The following SLC16A3 variants were observed in gnomAD, a reference collection of about 807,000 sequenced individuals.
SLC16A3 encodes solute carrier family 16 member 3, also known as monocarboxylate transporter 4.
A neutral mutation model predicts 25.0 loss-of-function variants in SLC16A3; 22 were observed. That is an observed-to-expected ratio of 0.88 (90% CI 0.63 to 1.26). SLC16A3 has a LOEUF of 1.26. Among genes scored for constraint, SLC16A3 ranks in the 50% most tolerant of loss-of-function variants. The pLI, the probability that SLC16A3 is intolerant of heterozygous loss-of-function variation, is 0.00. For synonymous variants in SLC16A3, 390 were observed against 309.2 expected (o/e 1.26, Z -2.74); for missense variants, 731 against 666.6 (o/e 1.10, Z -1.06).
chr17:82,224,707 TGTGCAGACACAACCCTACACCC>T (rs1241949271), upstream of SLC16A3, among the ~76,000 whole-genome samples: 1 of 149,932 alleles, frequency 6.7e-6, no homozygotes. Flanking sequence ...CACAGACACC[TGTGCAGACACAACCCTACACCC>T]GTGCAGACAC....
chr17:82,237,400 G>T lies in SLC16A3; in HGVS notation c.630G>T (p.Pro210=), dbSNP rs776404128. ...LVVTAQPGSG[P]PRPSRRLLDL... ...TCACGGCCCAGCCGGGCTCGGGGCC[G>T]CCGCGACCCTCCCGGCGCCTGCTAG... is the stretch of plus-strand genomic sequence containing the variant. The change falls in exon 4 of 5, where the codon CCG becomes CCT. Residue 210 remains proline (P), a synonymous_variant. Coordinates refer to ENST00000582743, the MANE Select transcript of SLC16A3 (RefSeq NM_004207.4). 1.3e-6 allele frequency: 2 copies of T among 1,556,790 alleles called. No homozygotes were observed. The highest frequency in any genetic ancestry group is 1.7e-6 in the Non-Finnish European group (2 of 1,150,762).
In SLC16A3 at chr17:82,237,464, G is replaced by A. The variant is rs769107557; in HGVS notation, c.694G>A (p.Ala232Thr). Residue 232 changes from alanine (A) to threonine (T), a missense_variant, in exon 4 of 5, where the codon GCC (alanine) becomes ACC (threonine). By Grantham distance (58) the Ala-to-Thr change is moderately conservative. Transcript: ENST00000582743. ...VFRDRGFVLY[A>T]VAASVMVLGL... is the part of the protein sequence containing the mutation. ...CCGGGACCGCGGCTTTGTGCTTTAC[G>A]CCGTGGCCGCCTCGGTCATGGTGCT... The A allele has an allele frequency of 8.1e-6, 13 of 1,606,752 alleles. No homozygotes were observed. The highest frequency in any genetic ancestry group is 8.0e-5 in the African/African-American group (6 of 74,870).
In SLC16A3 at chr17:82,236,604, CT is replaced by C. The variant is rs2050608487; in HGVS notation, c.224-124del. ...CGGGGAGCCTGCCCACGGGGTGCCCCTGGTGCCCCGCGGGGGGAGGGGTGGT... is the reference window on the plus strand; with the variant it reads ...CGGGGAGCCTGCCCACGGGGTGCCCCGGTGCCCCGCGGGGGGAGGGGTGGT... On this transcript the variant is annotated intron_variant, in intron 2 of 4. Coordinates refer to ENST00000582743, the MANE Select transcript of SLC16A3 (RefSeq NM_004207.4). The C allele has an allele frequency of 7.3e-5, 103 of 1,410,344 alleles. No individual in the cohort carries two copies. In the South Asian group the frequency reaches 1.2e-3, roughly 16 times the overall value. The allele number at this position is 1,410,344 out of a possible 1,614,324, so 87.4% of individuals were successfully genotyped here. A position where few individuals can be genotyped will look rare whatever the true frequency, so the allele number is the denominator to read the frequency against.
chr17:82,236,585 G>C (rs1044618703), intron 2 of SLC16A3, 144 bp from the exon 3 acceptor site: 137 of 1,224,400 alleles, frequency 1.1e-4, no homozygotes, highest in Middle Eastern at 2.9e-4. Context: ...CGCTCGGGGA[G>C]CCTGCCCACG....
chr17:82,235,419 T>G (rs1326508801), intron 1 of SLC16A3: 4 of 157,984 alleles, frequency 2.5e-5, no homozygotes, highest in African/African-American at 9.6e-5. Context: ...ACTGCCCGCC[T>G]CCTCTTGGGC....
At chr17:82,225,696 C>T (rs2050417447), upstream of SLC16A3, among the ~76,000 whole-genome samples, 1 of 152,216 alleles carries the variant, frequency 6.6e-6, no homozygotes, top group African/African-American at 2.4e-5. Flanking sequence ...GCAACTGGTG[C>T]TGGGTGGTAC....
At position 82,221,929 on chromosome 17, in the gene SLC16A3, G is replaced by A. The variant is rs191953443; in HGVS notation, c.-27+3745G>A. 1.9e-4 allele frequency among the ~76,000 whole-genome samples: 29 copies of A among 152,348 alleles called. No homozygotes were observed. In the East Asian group the frequency reaches 4.6e-3, roughly 24 times the overall value. ...AAATAACAGGCGCTGGTGCGGATGTGGAGAAACTGGAACCCTTGAACACCC... is the reference window on the plus strand; with the variant it reads ...AAATAACAGGCGCTGGTGCGGATGTAGAGAAACTGGAACCCTTGAACACCC... On this transcript the variant is annotated intron_variant, in intron 1 of 4. Transcript: ENST00000580098.
In SLC16A3 at chr17:82,238,710, C is replaced by A; in HGVS notation, c.1132C>A (p.Leu378Met). Residue 378 changes from leucine (L) to methionine (M), a missense_variant, in exon 5 of 5, where the codon CTG (leucine) becomes ATG (methionine). Transcript: ENST00000582743. ...ACGGGGTCTTCCCGCAGGCAAACTC[C>A]TGGATGCGACCCACGTCTACATGTA... ...LVGPPSGGKL[L>M]DATHVYMYVF... 2 of 1,609,512 alleles carry A rather than the reference C, an allele frequency of 1.2e-6. No homozygotes were observed. The highest frequency in any genetic ancestry group is 1.7e-6 in the Non-Finnish European group (2 of 1,178,228).
Position 82,239,621 on chromosome 17 carries a change from G to A in SLC16A3, c.*645G>A. ...CGGCATAGCATTCGTAGCAGGGGCAGGCGCTGCATGGAGGGGGCTGCGGGG... is the reference window on the plus strand; with the variant it reads ...CGGCATAGCATTCGTAGCAGGGGCAAGCGCTGCATGGAGGGGGCTGCGGGG... On this transcript the variant is annotated 3_prime_UTR_variant, in exon 5 of 5. Coordinates refer to ENST00000582743, the MANE Select transcript of SLC16A3 (RefSeq NM_004207.4). The A allele has an allele frequency of 4.0e-6, 1 of 249,780 alleles. No homozygotes were observed. The highest frequency in any genetic ancestry group is 7.6e-6 in the Non-Finnish European group (1 of 131,548). The allele number at this position is 249,780 out of a possible 1,614,324, so 15.5% of individuals were successfully genotyped here.
At chr17:82,220,625 T>A (rs1260184749) in intron 1 of SLC16A3, among the ~76,000 whole-genome samples, 3 of 152,058 alleles carry the variant, frequency 2.0e-5, no homozygotes, top group Non-Finnish European at 4.4e-5. Context: ...AAATTTTTTT[T>A]AAGTAAATAA....
At position 82,236,185 on chromosome 17, in the gene SLC16A3, C is replaced by T; in HGVS notation, c.177C>T (p.Asp59=). 1 of 1,613,084 alleles carries T rather than the reference C, an allele frequency of 6.2e-7. No individual in the cohort carries two copies. The highest frequency in any genetic ancestry group is 8.5e-7 in the Non-Finnish European group (1 of 1,179,956). ...AGGAGTTTGGGATCGGCTACAGCGACACAGCCTGGATCTCCTCCATCCTGC... is the reference window on the plus strand; with the variant it reads ...AGGAGTTTGGGATCGGCTACAGCGATACAGCCTGGATCTCCTCCATCCTGC... ...LIQEFGIGYS[D]TAWISSILLA... The change falls in exon 2 of 5, where the codon GAC becomes GAT. Residue 59 remains aspartate, a synonymous_variant. Transcript: ENST00000582743.
At chr17:82,221,522 A>G (rs937097293) in intron 1 of SLC16A3, among the ~76,000 whole-genome samples, 1 of 151,930 alleles carries the variant, frequency 6.6e-6, no homozygotes, top group Non-Finnish European at 1.5e-5. Context: ...TGAGCTGAGA[A>G]CGCACCACTG....
rs565037591 is a variant in SLC16A3, at chr17:82,237,963, G to T, written c.1123+70G>T. ...GTCAGACGCCCGCTTTGCGAGGGGG[G>T]GGACGCGCACCCCTCGGCAGCCACC... On this transcript the variant is annotated intron_variant, in intron 4 of 4. Transcript: ENST00000582743. The T allele has an allele frequency of 4.5e-3, 6,835 of 1,531,494 alleles. 24 individuals carry two copies. Among genetic ancestry groups the T allele is most frequent in the Non-Finnish European group, 5.4e-3 (6,182 of 1,139,572 alleles). 94.9% of individuals were successfully genotyped at this position (1,531,494 alleles called of 1,614,324 possible). A position where few individuals can be genotyped will look rare whatever the true frequency, so the allele number is the denominator to read the frequency against.
Position 82,236,723 on chromosome 17 carries a change from C to T in SLC16A3, c.224-6C>T. 1 of 1,604,714 alleles carries T rather than the reference C, an allele frequency of 6.2e-7. No individual in the cohort carries two copies. Among genetic ancestry groups the T allele is most frequent in the Non-Finnish European group, 8.5e-7 (1 of 1,179,476 alleles). ...CCCGGCCCCTCTCAGCTGCTGCCCT[C>T]TCCAGGTCCGCTCTGCAGTGTGTGC... is the stretch of plus-strand genomic sequence containing the variant. On this transcript the variant is annotated splice_region_variant and splice_polypyrimidine_tract_variant and intron_variant, in intron 2 of 4. Transcript: ENST00000582743.
intron 1 of SLC16A3, among the ~76,000 whole-genome samples, chr17:82,233,350 G>A (rs368455016): frequency 1.3e-5 from 2 of 152,280 alleles, no homozygotes; most frequent in African/African-American, 2.4e-5. Context: ...CCACATGAGC[G>A]TCACGTGGAA....
At chr17:82,222,610 C>T (rs954538196) in intron 1 of SLC16A3, among the ~76,000 whole-genome samples, 7 of 152,198 alleles carry the variant, frequency 4.6e-5, no homozygotes, top group Non-Finnish European at 1.0e-4. Context: ...TCGAGACCAG[C>T]GTGACCAACA....
Position 82,233,079 on chromosome 17 carries a change from G to T in SLC16A3, c.-26-2904G>T, listed in dbSNP as rs1191636441. Among the ~76,000 whole-genome samples the T allele has an allele frequency of 2.0e-5, 3 of 152,178 alleles. No homozygotes were observed. In the East Asian group the frequency reaches 5.8e-4, roughly 29 times the overall value. Reference sequence around the variant, plus strand: ...TACCTTGGCCCATCACGGTGCCGGGGTTATCCTGGAAGATGGGGAGTGTGG... The same window carrying T: ...TACCTTGGCCCATCACGGTGCCGGGTTTATCCTGGAAGATGGGGAGTGTGG... On this transcript the variant is annotated intron_variant, in intron 1 of 4. Transcript: ENST00000582743.
chr17:82,224,272 C>G (rs1245649029), upstream of SLC16A3, among the ~76,000 whole-genome samples: 1 of 44,508 alleles, frequency 2.2e-5, no homozygotes, highest in African/African-American at 9.0e-5. Flanking sequence ...AGACACACCC[C>G]TACACCCGTG....
rs771896374 is a variant in SLC16A3, at chr17:82,238,902, G to C, written c.1324G>C (p.Glu442Gln). Residue 442 changes from glutamate (E) to glutamine (Q), a missense_variant, in exon 5 of 5, where the codon GAG (glutamate) becomes CAG (glutamine). By Grantham distance (29) the Glu-to-Gln change is conservative. Coordinates refer to ENST00000582743, the MANE Select transcript of SLC16A3 (RefSeq NM_004207.4). ...PPADSGVDLR[E>Q]VEHFLKAEPE... ...TGCAGACTCGGGGGTGGACTTGCGG[G>C]AGGTGGAGCATTTCCTGAAGGCTGA... 1 of 1,600,684 alleles carries C rather than the reference G, an allele frequency of 6.2e-7. No individual in the cohort carries two copies. Among genetic ancestry groups the C allele is most frequent in the South Asian group, 1.1e-5 (1 of 89,898 alleles).
Sources: gnomAD v4.1 joint callset for allele counts (sites outside exome capture counted in the v4.1 genomes callset) on GRCh38, gnomAD v4.1.1 for gene constraint, MANE v1.5 for transcripts, NCBI Gene and HGNC (gene_info 2026-07-23, HGNC 2026-07-21) for gene names.